The following GNG2 variants were observed in gnomAD, a reference collection of about 807,000 sequenced individuals.
GNG2 encodes G protein subunit gamma 2, also known as guanine nucleotide-binding protein G(I)/G(S)/G(O) subunit gamma-2.
In GNG2, 5 loss-of-function variants were observed where a neutral mutation model predicts 5.5. The ratio of observed to expected loss-of-function variants is 0.91; its 90% CI spans 0.48 to 1.92. The LOEUF (loss-of-function observed/expected upper bound fraction) is 1.92, where lower values mean the gene tolerates loss of function less well. Ranked by LOEUF, GNG2 falls within the 30% of genes most tolerant of loss-of-function variation. GNG2 has a pLI of 0.01. For missense variants in GNG2, 55 were observed against 88.4 expected, an observed-to-expected ratio of 0.62 and a Z score of 1.52; for synonymous variants, 28 against 32.0, an observed-to-expected ratio of 0.88 and a Z score of 0.42.
intron 2 of GNG2, among the ~76,000 whole-genome samples, chr14:51,881,689 G>A (rs987981480): frequency 3.4e-5 from 5 of 144,940 alleles, no homozygotes; most frequent in Admixed American, 6.9e-5. Context: ...TTGACTTTTA[G>A]GAGCTGGAAG....
chr14:51,927,552 C>T (rs1336750712), intron 2 of GNG2, among the ~76,000 whole-genome samples: 1 of 152,214 alleles, frequency 6.6e-6, no homozygotes, highest in African/African-American at 2.4e-5. Context: ...TAGTACAAAT[C>T]ACACCATGTT....
intron 1 of GNG2, among the ~76,000 whole-genome samples, chr14:51,863,853 A>G (rs186069382): frequency 2.6e-5 from 4 of 152,352 alleles, no homozygotes; most frequent in Admixed American, 2.6e-4. Context: ...CATGTGCTAG[A>G]ATTTCCTTCC....
At chr14:51,841,426 C>A (rs749489360) in intron 2 of GNG2, 2 of 603,850 alleles carry the variant, frequency 3.3e-6, no homozygotes, top group South Asian at 2.0e-5. Context: ...AAAAGCCTGG[C>A]ACTGTTTGTT....
At chr14:51,868,642 G>A (rs930843865) in intron 1 of GNG2, among the ~76,000 whole-genome samples, 2 of 152,184 alleles carry the variant, frequency 1.3e-5, no homozygotes, top group African/African-American at 2.4e-5. Flanking sequence ...AAGGTTTTGA[G>A]CAGAAGGTGC....
At chr14:51,843,369 T>C (rs1440918818) in intron 2 of GNG2, among the ~76,000 whole-genome samples, 3 of 152,000 alleles carry the variant, frequency 2.0e-5, no homozygotes, top group Non-Finnish European at 2.9e-5. Flanking sequence ...ACCCCTCATA[T>C]AGAACAATGA....
intron 2 of GNG2, among the ~76,000 whole-genome samples, chr14:51,836,855 T>C (rs1881343750): frequency 2.2e-5 from 2 of 90,752 alleles, no homozygotes; most frequent in East Asian, 2.5e-4. Flanking sequence ...AGTGACTTCA[T>C]CTTTTTTTTT....
intron 2 of GNG2, chr14:51,917,562 C>T: frequency 5.4e-6 from 2 of 373,652 alleles, no homozygotes; most frequent in South Asian, 4.0e-5. Flanking sequence ...CACTGAATTA[C>T]CTCTGATTAA....
rs1181329447 is a variant in GNG2, at chr14:51,969,248, G to C, written c.*2561G>C. 1 of 152,050 alleles carries C rather than the reference G, an allele frequency of 6.6e-6. No homozygotes were observed. Among genetic ancestry groups the C allele is most frequent in the East Asian group, 1.9e-4 (1 of 5,200 alleles). The allele number at this position is 152,050 out of a possible 1,614,324, so 9.4% of individuals were successfully genotyped here. On this transcript the variant is annotated 3_prime_UTR_variant, in exon 4 of 4. Coordinates refer to ENST00000556766, the MANE Select transcript of GNG2 (RefSeq NM_053064.5). ...CTGCCGTGGAATTAACTAATAAGTA[G>C]TAACAATAAACTTCATATTTAGAAT...
At position 51,941,975 on chromosome 14, in the gene GNG2, C is replaced by T. The variant is rs779431255; in HGVS notation, c.-29-8675C>T. Among the ~76,000 whole-genome samples, 134 of 152,192 alleles carry T rather than the reference C, an allele frequency of 8.8e-4. 1 individual carries two copies. Among genetic ancestry groups the T allele is most frequent in the Non-Finnish European group, 1.8e-3 (120 of 68,034 alleles). ...TTCTATCAATCTCTTATACACAATTCCTATAATTGTTCCAGGGATTTTTGC... is the reference window on the plus strand; with the variant it reads ...TTCTATCAATCTCTTATACACAATTTCTATAATTGTTCCAGGGATTTTTGC... On this transcript the variant is annotated intron_variant, in intron 2 of 3. Coordinates refer to ENST00000556766, the MANE Select transcript of GNG2 (RefSeq NM_053064.5).
intron 3 of GNG2, among the ~76,000 whole-genome samples, chr14:51,951,602 C>T (rs1888979301): frequency 1.3e-5 from 2 of 152,354 alleles, no homozygotes; most frequent in African/African-American, 4.8e-5. Context: ...CTACAACCTT[C>T]TTCCAAATGC....
intron 2 of GNG2, among the ~76,000 whole-genome samples, chr14:51,888,132 T>C (rs532592561): frequency 3.9e-5 from 6 of 152,310 alleles, no homozygotes; most frequent in African/African-American, 1.4e-4. Context: ...TTCCTCATGC[T>C]CCATGATCAT....
chr14:51,837,520 G>A (rs964885124), intron 2 of GNG2, among the ~76,000 whole-genome samples: 2 of 151,918 alleles, frequency 1.3e-5, no homozygotes, highest in African/African-American at 4.8e-5. Context: ...GGGGTCGCAT[G>A]CCTGTAGTTT....
chr14:51,852,446 T>G (rs1204494234), intron 2 of GNG2, among the ~76,000 whole-genome samples: 1 of 152,204 alleles, frequency 6.6e-6, no homozygotes, highest in Non-Finnish European at 1.5e-5. Flanking sequence ...ACCTATGAAT[T>G]CTAGGATTTC....
rs201957708 is a variant in GNG2, at chr14:51,889,108, G to GC, written c.-30+11452dup. On this transcript the variant is annotated intron_variant, in intron 2 of 3. Transcript: ENST00000556766. Reference sequence around the variant, plus strand: ...TGACTGCTAATGGGTATGGGTTTGCGCTTTTTTTTTTTTTTTTTTTTTGAG... The same window carrying GC: ...TGACTGCTAATGGGTATGGGTTTGCGCCTTTTTTTTTTTTTTTTTTTTTGAG... Among the ~76,000 whole-genome samples, 523 of 139,362 alleles carry GC rather than the reference G, an allele frequency of 3.8e-3. 14 individuals carry two copies. The highest frequency in any genetic ancestry group is 0.016 in the South Asian group (68 of 4,362). The allele number at this position is 139,362 out of a possible 152,430, so 91.4% of individuals were successfully genotyped here.
intron 2 of GNG2, among the ~76,000 whole-genome samples, chr14:51,900,016 T>C (rs545019974): frequency 1.7e-3 from 255 of 152,330 alleles, no homozygotes; most frequent in African/African-American, 6.0e-3. Context: ...AATTCTTTCA[T>C]GTATATACTC....
intron 2 of GNG2, among the ~76,000 whole-genome samples, chr14:51,837,180 GAAATAA>G (rs1881355795): frequency 6.6e-6 from 1 of 151,864 alleles, no homozygotes; most frequent in Non-Finnish European, 1.5e-5. Context: ...TAACGTTGAT[GAAATAA>G]AAATAAACTG....
In GNG2 at chr14:51,957,054, C is replaced by T. The variant is rs141850705; in HGVS notation, c.87+6289C>T. On this transcript the variant is annotated intron_variant, in intron 3 of 3. Transcript: ENST00000556766. ...CTCCTTACTTCCCGGTTCTCAGTCC[C>T]GGTCTGGTTTGGTGAGGATGCTGGA... Among the ~76,000 whole-genome samples the T allele has an allele frequency of 3.7e-3, 568 of 151,876 alleles. 4 individuals carry two copies. The highest frequency in any genetic ancestry group is 0.013 in the African/African-American group (544 of 41,366).
chr14:51,854,646 G>A (rs1882069013), intron 2 of GNG2, among the ~76,000 whole-genome samples: 1 of 152,054 alleles, frequency 6.6e-6, no homozygotes, highest in African/African-American at 2.4e-5. Context: ...CCGAGTAGCT[G>A]GGATTACAGG....
chr14:51,858,939 A>C (rs187307901), upstream of GNG2, among the ~76,000 whole-genome samples: 2 of 152,188 alleles, frequency 1.3e-5, no homozygotes, highest in Non-Finnish European at 2.9e-5. Context: ...AAACTGTTCA[A>C]ATCAAAACAA....
Sources: allele counts gnomAD v4.1 joint callset (sites outside exome capture counted in the v4.1 genomes callset), GRCh38; gene constraint gnomAD v4.1.1; transcripts MANE v1.5; gene names NCBI Gene and HGNC (gene_info 2026-07-23, HGNC 2026-07-21).